MACROD1: variants seen among roughly 807,000 people sequenced by gnomAD.
MACROD1 encodes the protein mono-ADP ribosylhydrolase 1, also known as ADP-ribose glycohydrolase MACROD1.
A neutral mutation model predicts 41.4 loss-of-function variants in MACROD1; 31 were observed. The observed-to-expected ratio is 0.75, with a 90% CI of 0.56 to 1.01. The LOEUF (loss-of-function observed/expected upper bound fraction) is 1.01. Ranked by LOEUF, MACROD1 falls within the 50% of genes least tolerant of loss-of-function variation. The pLI, the probability that MACROD1 is intolerant of heterozygous loss-of-function variation, is 0.00. For missense variants in MACROD1, 473 were observed against 460.0 expected (o/e 1.03, Z -0.26); for synonymous variants, 252 against 203.4 (o/e 1.24, Z -2.03).
chr11:64,032,478 A>C (rs1943307361), intron 3 of MACROD1, among the ~76,000 whole-genome samples: 1 of 152,020 alleles, frequency 6.6e-6, no homozygotes, highest in East Asian at 1.9e-4. Context: ...AGAGGTAAGG[A>C]TGCTTCGGGC....
At chr11:64,016,588 G>C (rs370946010) in intron 3 of MACROD1, among the ~76,000 whole-genome samples, 6 of 152,268 alleles carry the variant, frequency 3.9e-5, no homozygotes, top group African/African-American at 1.4e-4. Context: ...AAGTGGTGTC[G>C]GGCGGCTCCG....
At position 64,165,878 on chromosome 11, in the gene MACROD1, G is replaced by T; in HGVS notation, c.117C>A (p.Ser39Arg). 1.4e-6 allele frequency: 2 copies of T among 1,411,984 alleles called. No individual in the cohort carries two copies. The allele number at this position is 1,411,984 out of a possible 1,614,324, so 87.5% of individuals were successfully genotyped here. ...GHLAGATRTRSSTCGPPAFLG... is the reference protein window; with the variant it reads ...GHLAGATRTRRSTCGPPAFLG... ...GGAACGCCGGGGGACCGCACGTGCTGCTGCGGGTCCTCGTGGCACCCGCCA... is the reference window on the plus strand; with the variant it reads ...GGAACGCCGGGGGACCGCACGTGCTTCTGCGGGTCCTCGTGGCACCCGCCA... The change falls in exon 1 of 11, where the codon AGC (serine) becomes AGA (arginine). Residue 39 changes from serine (S) to arginine (R), a missense_variant. By Grantham distance (110) the Ser-to-Arg change is moderately radical. Transcript: ENST00000255681.
At chr11:64,084,994 C>G (rs952624373) in intron 3 of MACROD1, among the ~76,000 whole-genome samples, 1 of 152,246 alleles carries the variant, frequency 6.6e-6, no homozygotes, top group Admixed American at 6.5e-5. Flanking sequence ...AGTTCTAACT[C>G]TGCCTTACTA....
intron 1 of MACROD1, among the ~76,000 whole-genome samples, chr11:64,153,303 C>A (rs1565262647): frequency 2.0e-5 from 3 of 152,224 alleles, no homozygotes; most frequent in Admixed American, 1.3e-4. Flanking sequence ...GCACCCTGGA[C>A]CACAGGCTCC....
At chr11:64,161,425 T>G (rs1374519950) in intron 1 of MACROD1, among the ~76,000 whole-genome samples, 1 of 152,224 alleles carries the variant, frequency 6.6e-6, no homozygotes, top group Non-Finnish European at 1.5e-5. Context: ...ATGCTCTACC[T>G]TTTGACCCAA....
rs1218997978 is a variant in MACROD1, at chr11:64,133,070, C to CTGTGGGGAACTA, written c.517+18168_517+18169insTAGTTCCCCACA. 2.0e-5 allele frequency among the ~76,000 whole-genome samples: 3 copies of CTGTGGGGAACTA among 152,084 alleles called. No individual in the cohort carries two copies. The East Asian group carries it at 5.8e-4, about 29-fold the overall frequency. ...GCACACCCATGAGCCCCAGCCAGAG[C>CTGTGGGGAACTA]GCCCTGTGGGGAACTAGACCTCCCC... On this transcript the variant is annotated intron_variant, in intron 3 of 10. Transcript: ENST00000255681.
chr11:64,007,078 A>G (rs899126924), intron 4 of MACROD1, among the ~76,000 whole-genome samples: 10 of 152,096 alleles, frequency 6.6e-5, no homozygotes, highest in Non-Finnish European at 5.9e-5. Context: ...CAACTCCAAC[A>G]AAGCTTTCCT....
rs906306580 is a variant in MACROD1, at chr11:64,090,232, G to A, written c.517+61007C>T. On this transcript the variant is annotated intron_variant, in intron 3 of 10. Coordinates refer to ENST00000255681, the MANE Select transcript of MACROD1 (RefSeq NM_014067.4). The surrounding 1 kb of genome is among the most constrained non-coding windows in gnomAD (Gnocchi z 4.7). ...GTGACAGGGTGTGGGAAAGGCCAAC[G>A]GGCGTGTGGGTCTCCAGCCTTTGCT... 6.6e-6 allele frequency among the ~76,000 whole-genome samples: 1 copy of A among 152,174 alleles called. No individual in the cohort carries two copies. Among genetic ancestry groups the A allele is most frequent in the Non-Finnish European group, 1.5e-5 (1 of 68,026 alleles).
intron 3 of MACROD1, chr11:64,118,049 C>G: frequency 6.2e-7 from 1 of 1,613,104 alleles, no homozygotes; most frequent in Non-Finnish European, 8.5e-7. Flanking sequence ...ACCGGGGCAG[C>G]AGGAAAAAGG....
intron 3 of MACROD1, chr11:64,117,668 T>C (rs534149753): frequency 1.2e-6 from 2 of 1,613,708 alleles, no homozygotes; most frequent in African/African-American, 1.3e-5. Context: ...TCCGGCTCAG[T>C]TGGCTGCGCC....
In MACROD1 at chr11:64,057,598, C is replaced by G. The variant is rs542572726; in HGVS notation, c.518-42317G>C. ...CTGAGGCCATCTGGCTGGTCACTGC[C>G]CGAGCAGGACCTACACCCAAGGGCC... On this transcript the variant is annotated intron_variant, in intron 3 of 10. Transcript: ENST00000255681. Among the ~76,000 whole-genome samples, 8 of 152,208 alleles carry G rather than the reference C, an allele frequency of 5.3e-5. No individual in the cohort carries two copies. The East Asian group carries it at 1.4e-3, about 26-fold the overall frequency.
Position 64,019,284 on chromosome 11 carries a change from C to T in MACROD1, c.518-4003G>A, listed in dbSNP as rs138667836. ...TTAACTGGCTCTGAGCCCGGTGCTG[C>T]GCCTGTGACCTTGGGGTGGCACCCC... On this transcript the variant is annotated intron_variant, in intron 3 of 10. Transcript: ENST00000255681. Among the ~76,000 whole-genome samples the T allele has an allele frequency of 3.9e-3, 592 of 152,208 alleles. 2 individuals carry two copies. The highest frequency in any genetic ancestry group is 0.014 in the Middle Eastern group (4 of 294).
At chr11:64,020,673 C>CT (rs1943141347) in intron 3 of MACROD1, among the ~76,000 whole-genome samples, 2 of 152,178 alleles carry the variant, frequency 1.3e-5, no homozygotes, top group South Asian at 4.2e-4. Context: ...TGATGCTCTC[C>CT]TGGGGGGGCC....
intron 4 of MACROD1, chr11:64,001,760 G>A (rs1942829634): frequency 1.4e-6 from 1 of 702,300 alleles, no homozygotes; most frequent in South Asian, 1.5e-5. Flanking sequence ...GATGGAGCAA[G>A]AAGGCAGGGC....
At chr11:64,142,905 T>G (rs1204670084) in intron 3 of MACROD1, among the ~76,000 whole-genome samples, 1 of 151,842 alleles carries the variant, frequency 6.6e-6, no homozygotes. Flanking sequence ...TGCTTGAGCC[T>G]GGGAGTTCAA....
intron 3 of MACROD1, among the ~76,000 whole-genome samples, chr11:64,070,251 G>T (rs975391993): frequency 4.6e-5 from 7 of 152,152 alleles, no homozygotes; most frequent in African/African-American, 1.7e-4. Context: ...CTACTGATCA[G>T]AGCCCTACCT....
intron 3 of MACROD1, among the ~76,000 whole-genome samples, chr11:64,032,354 G>A (rs1045311424): frequency 2.0e-5 from 3 of 152,234 alleles, no homozygotes; most frequent in African/African-American, 7.2e-5. Context: ...GTTAAGATAA[G>A]GAAATGGAGG....
chr11:64,148,152 T>A (rs1421295607), intron 3 of MACROD1, among the ~76,000 whole-genome samples: 1 of 151,864 alleles, frequency 6.6e-6, no homozygotes, highest in African/African-American at 2.4e-5. Context: ...TCTCCAAGGA[T>A]CCCCAGGGCC....
intron 3 of MACROD1, among the ~76,000 whole-genome samples, chr11:64,100,594 G>A (rs143216833): frequency 1.0e-3 from 159 of 152,286 alleles, no homozygotes; most frequent in Non-Finnish European, 1.7e-3. Flanking sequence ...CCAGGCGCAC[G>A]CATTTACATA....
Sources: gnomAD v4.1 joint callset for allele counts (sites outside exome capture counted in the v4.1 genomes callset) on GRCh38, gnomAD v4.1.1 for gene constraint, Gnocchi (gnomAD v3.1) non-coding constraint, MANE v1.5 for transcripts, NCBI Gene and HGNC (gene_info 2026-07-23, HGNC 2026-07-21) for gene names.